The following PRDM5 variants were observed in gnomAD, a reference collection of about 807,000 sequenced individuals.
PRDM5 encodes the protein PR/SET domain 5.
Under a neutral mutation model 81.2 loss-of-function variants are expected in PRDM5, and 56 were observed. That is an observed-to-expected ratio of 0.69 (90% confidence interval 0.56 to 0.86). PRDM5 has a LOEUF of 0.86. Among genes scored for constraint, PRDM5 ranks in the 40% least tolerant of loss-of-function variants. The pLI is 0.00. For synonymous variants in PRDM5, 267 were observed against 256.4 expected (o/e 1.04, Z -0.39); for missense variants, 697 against 770.1 (o/e 0.91, Z 1.12).
chr4:120,900,839 G>A (rs1019013772), intron 2 of PRDM5, among the ~76,000 whole-genome samples: 1 of 152,032 alleles, frequency 6.6e-6, no homozygotes, highest in Non-Finnish European at 1.5e-5. Context: ...AAAAAAGTTT[G>A]TTTCACACAA....
intron 10 of PRDM5, among the ~76,000 whole-genome samples, chr4:120,791,370 G>A (rs1750551228): frequency 6.6e-6 from 1 of 152,174 alleles, no homozygotes; most frequent in Non-Finnish European, 1.5e-5. Context: ...ATACATATGT[G>A]TCATAGTACT....
In PRDM5 at chr4:120,692,613, G is replaced by A. The variant is rs1734136330; in HGVS notation, c.*2498C>T. 6.6e-6 allele frequency: 1 copy of A among 152,012 alleles called. No individual in the cohort carries two copies. The highest frequency in any genetic ancestry group is 1.5e-5 in the Non-Finnish European group (1 of 67,990). The allele number at this position is 152,012 out of a possible 1,614,324, so 9.4% of individuals were successfully genotyped here. ...CTAAGAAGACAGTTATTATAAAAGGGTATCTGAACCCACCTACATTATTGA... is the reference window on the plus strand; with the variant it reads ...CTAAGAAGACAGTTATTATAAAAGGATATCTGAACCCACCTACATTATTGA... On this transcript the variant is annotated 3_prime_UTR_variant, in exon 16 of 16. Transcript: ENST00000264808.
rs528824117 is a variant in PRDM5 at position 120,742,292 on chromosome 4, C to G, written c.1623+12261G>C. On this transcript the variant is annotated intron_variant, in intron 14 of 15. Coordinates refer to ENST00000264808, the MANE Select transcript of PRDM5 (RefSeq NM_018699.4). ...AAACCCATCTGTACATCACCATCATCAAAGACCAAAGGTAGATAAAACCAC... is the reference window on the plus strand; with the variant it reads ...AAACCCATCTGTACATCACCATCATGAAAGACCAAAGGTAGATAAAACCAC... Among the ~76,000 whole-genome samples, 455 of 152,304 alleles carry G rather than the reference C, an allele frequency of 3.0e-3. 1 individual carries two copies. Among genetic ancestry groups the G allele is most frequent in the African/African-American group, 0.011 (438 of 41,562 alleles).
At chr4:120,866,819 T>C (rs187846530) in intron 2 of PRDM5, among the ~76,000 whole-genome samples, 1 of 152,170 alleles carries the variant, frequency 6.6e-6, no homozygotes, top group African/African-American at 2.4e-5. Context: ...CATTTGAGTA[T>C]GAAAGAAACC....
Position 120,831,023 on chromosome 4 carries a change from T to C in PRDM5, c.301-9678A>G, listed in dbSNP as rs151280271. Among the ~76,000 whole-genome samples, 471 of 152,118 alleles carry C rather than the reference T, an allele frequency of 3.1e-3. 4 individuals carry two copies. The highest frequency in any genetic ancestry group is 0.011 in the African/African-American group (464 of 41,506). ...AAAAAAGAACATAAACAGAAAAAGT[T>C]GCTACTTTTTCTTGTGATGTGAGCT... On this transcript the variant is annotated intron_variant, in intron 3 of 15. Transcript: ENST00000264808.
intron 2 of PRDM5, among the ~76,000 whole-genome samples, chr4:120,862,636 C>T (rs1467687197): frequency 2.6e-5 from 4 of 152,090 alleles, no homozygotes; most frequent in East Asian, 1.9e-4. Flanking sequence ...CAGAGTGTTC[C>T]CTGTCAATAG....
At chr4:120,745,299 T>C (rs1163742929) in intron 14 of PRDM5, among the ~76,000 whole-genome samples, 1 of 123,388 alleles carries the variant, frequency 8.1e-6, no homozygotes, top group East Asian at 2.5e-4. Context: ...ATAAGAGCTA[T>C]CTATGACAAA....
chr4:120,701,667 G>A (rs942324090), intron 15 of PRDM5, among the ~76,000 whole-genome samples: 1 of 152,150 alleles, frequency 6.6e-6, no homozygotes, highest in Non-Finnish European at 1.5e-5. Context: ...GGGACTAGTA[G>A]AGCAGAGAAG....
chr4:120,814,911 TC>T (rs1754291280), intron 7 of PRDM5, among the ~76,000 whole-genome samples: 1 of 152,182 alleles, frequency 6.6e-6, no homozygotes, highest in Admixed American at 6.5e-5. Flanking sequence ...AAACAAGATT[TC>T]CTTTTATGAA....
rs200777194 is a variant in PRDM5, at chr4:120,843,054, G to A, written c.300+10364C>T. 4.6e-5 allele frequency among the ~76,000 whole-genome samples: 7 copies of A among 152,320 alleles called. No individual in the cohort carries two copies. The East Asian group carries it at 1.2e-3, about 25-fold the overall frequency. On this transcript the variant is annotated intron_variant, in intron 3 of 15. Coordinates refer to ENST00000264808, the MANE Select transcript of PRDM5 (RefSeq NM_018699.4). ...TTCTGTAAGAAACAATCAGTCAGCT[G>A]GGCATGGTGGCTCACACCTATAATC...
intron 14 of PRDM5, among the ~76,000 whole-genome samples, chr4:120,720,594 T>C (rs1738467947): frequency 6.6e-6 from 1 of 152,208 alleles, no homozygotes; most frequent in Non-Finnish European, 1.5e-5. Context: ...TGAAAGTGCA[T>C]GTGCCACCAG....
At chr4:120,845,107 A>C (rs1290352589) in intron 3 of PRDM5, among the ~76,000 whole-genome samples, 2 of 152,356 alleles carry the variant, frequency 1.3e-5, no homozygotes, top group South Asian at 2.1e-4. Flanking sequence ...ATGAGGTCTA[A>C]GGAAAGAAGC....
chr4:120,811,434 T>C lies in PRDM5; in HGVS notation c.881A>G (p.Lys294Arg). 1.3e-6 allele frequency: 2 copies of C among 1,596,926 alleles called. No homozygotes were observed. Among genetic ancestry groups the C allele is most frequent in the Non-Finnish European group, 1.7e-6 (2 of 1,166,402 alleles). Residue 294 changes from lysine (K) to arginine (R), a missense_variant, in exon 8 of 16, where the codon AAG (lysine) becomes AGG (arginine). By Grantham distance (26) the Lys-to-Arg change is conservative. This residue lies in a region of PRDM5 where 577 missense variants were observed against 606.7 expected (regional missense o/e 0.95). Transcript: ENST00000264808. ...TTTATTGCACACTGAACATATAAGC[T>C]TTTTCTTAGGATCTCCTAAAATAGA... is the stretch of plus-strand genomic sequence containing the variant. ...ENVHTGDPKK[K>R]LICSVCNKKC...
chr4:120,756,421 T>TTA (rs1213885242), intron 13 of PRDM5, among the ~76,000 whole-genome samples: 1 of 152,188 alleles, frequency 6.6e-6, no homozygotes, highest in Non-Finnish European at 1.5e-5. Flanking sequence ...ACCCCACACT[T>TTA]TTTTACTCAC....
chr4:120,857,149 A>G (rs988923332), intron 2 of PRDM5, among the ~76,000 whole-genome samples: 1 of 152,204 alleles, frequency 6.6e-6, no homozygotes, highest in Non-Finnish European at 1.5e-5. Context: ...TGAGGGTAGG[A>G]GTTTGAGACC....
At chr4:120,846,858 C>A (rs1758709252) in intron 3 of PRDM5, among the ~76,000 whole-genome samples, 2 of 152,106 alleles carry the variant, frequency 1.3e-5, no homozygotes, top group African/African-American at 4.8e-5. Flanking sequence ...AGCATTGGGC[C>A]TGGTACGTAG....
At chr4:120,841,494 A>T (rs545060593) in intron 3 of PRDM5, among the ~76,000 whole-genome samples, 55 of 152,366 alleles carry the variant, frequency 3.6e-4, no homozygotes, top group South Asian at 8.3e-4. Context: ...TGTATCCATT[A>T]CATTTACTTC....
intron 13 of PRDM5, among the ~76,000 whole-genome samples, chr4:120,755,981 G>A (rs565972113): frequency 1.3e-5 from 2 of 152,202 alleles, no homozygotes; most frequent in African/African-American, 4.8e-5. Flanking sequence ...AACACAAACA[G>A]GAACAGGTCC....
At chr4:120,774,092 T>C (rs889921302) in intron 13 of PRDM5, among the ~76,000 whole-genome samples, 1 of 152,200 alleles carries the variant, frequency 6.6e-6, no homozygotes, top group Non-Finnish European at 1.5e-5. Flanking sequence ...ATAACCCACA[T>C]AAATAAAAGC....
Sources: gnomAD v4.1 joint callset for allele counts (sites outside exome capture counted in the v4.1 genomes callset) on GRCh38, gnomAD v4.1.1 for gene constraint, gnomAD v4.1.1 regional missense constraint, MANE v1.5 for transcripts, NCBI Gene and HGNC (gene_info 2026-07-23, HGNC 2026-07-21) for gene names.